Variants in ANKRD11 observed in about 807,000 individuals in gnomAD.
ANKRD11 encodes ankyrin repeat domain-containing protein 11.
A neutral mutation model predicts 195.7 loss-of-function variants in ANKRD11; 17 were observed. The observed-to-expected ratio is 0.09, with a 90% CI of 0.06 to 0.13. The LOEUF is 0.13. Among genes scored for constraint, ANKRD11 ranks in the 10% least tolerant of loss-of-function variants. The pLI is 1.00. For missense variants in ANKRD11, 3,735 were observed against 3,566.1 expected (o/e 1.05, Z -1.21); for synonymous variants, 1,953 against 1,528.1 (o/e 1.28, Z -6.49).
At chr16:89,355,322 C>T (rs1022844797) in intron 2 of ANKRD11, among the ~76,000 whole-genome samples, 2 of 152,120 alleles carry the variant, frequency 1.3e-5, no homozygotes, top group African/African-American at 4.8e-5. Context: ...CACACAGACC[C>T]ACAAGGACCA....
In ANKRD11 at chr16:89,279,869, T is replaced by C; in HGVS notation, c.6673A>G (p.Thr2225Ala). ...CCACGGGCCCTCTCTTCCGGCACCG[T>C]CTCCGCCTCCACCGCAGCTTCTAGA... ...VALEAAVEAE[T>A]VPEERARGDP... The change falls in exon 9 of 13, where the codon ACG becomes GCG. Residue 2225 changes from threonine to alanine, a missense_variant. By Grantham distance (58) the Thr-to-Ala change is moderately conservative. Transcript: ENST00000301030. This position sits in a 1 kb window ranked among gnomAD's most constrained non-coding sequence, Gnocchi z 5.6. The C allele has an allele frequency of 6.4e-7, 1 of 1,570,162 alleles. No homozygotes were observed. The highest frequency in any genetic ancestry group is 2.3e-5 in the East Asian group (1 of 42,722).
At chr16:89,487,524 C>A (rs909669019) in intron 1 of ANKRD11, among the ~76,000 whole-genome samples, 1 of 152,134 alleles carries the variant, frequency 6.6e-6, no homozygotes, top group Non-Finnish European at 1.5e-5. Context: ...GCCTGTAATC[C>A]CAGCACTTTG....
intron 4 of ANKRD11, among the ~76,000 whole-genome samples, chr16:89,292,423 G>C (rs537246544): frequency 2.0e-5 from 3 of 152,284 alleles, no homozygotes; most frequent in Admixed American, 1.3e-4. Context: ...TCACCACCAT[G>C]GTCCCCGTGA....
rs1371608341 is a variant in ANKRD11 at position 89,280,187 on chromosome 16, G to A, written c.6355C>T (p.Pro2119Ser). The A allele has an allele frequency of 6.2e-7, 1 of 1,608,906 alleles. No individual in the cohort carries two copies. The highest frequency in any genetic ancestry group is 1.7e-4 in the Middle Eastern group (1 of 5,986). The change falls in exon 9 of 13, where the codon CCC (proline) becomes TCC (serine). Residue 2119 changes from proline (P) to serine (S), a missense_variant. Coordinates refer to ENST00000301030, the MANE Select transcript of ANKRD11 (RefSeq NM_013275.6). The part of the protein sequence containing the change: ...LSHLGQVEPV[P>S]WADAFAGPED... ...GGGCCGGCGAAGGCGTCCGCCCAGG[G>A]CACCGGCTCCACCTGGCCGAGGTGA... is the stretch of plus-strand genomic sequence containing the variant.
At chr16:89,357,694 G>C (rs762840831) in intron 2 of ANKRD11, among the ~76,000 whole-genome samples, 1 of 152,196 alleles carries the variant, frequency 6.6e-6, no homozygotes, top group Non-Finnish European at 1.5e-5. Flanking sequence ...AGGAATGCCT[G>C]TCACAGCCAA....
intron 2 of ANKRD11, among the ~76,000 whole-genome samples, chr16:89,393,898 A>C (rs2041312112): frequency 6.6e-6 from 1 of 152,230 alleles, no homozygotes; most frequent in Non-Finnish European, 1.5e-5. Context: ...AAAAAACAAA[A>C]GCCAAAAAGT....
At position 89,386,912 on chromosome 16, in the gene ANKRD11, C is replaced by A. The variant is rs1265108580; in HGVS notation, c.-60+31372G>T. 1.3e-5 allele frequency among the ~76,000 whole-genome samples: 2 copies of A among 151,714 alleles called. 1 individual carries two copies. The highest frequency in any genetic ancestry group is 3.9e-4 in the East Asian group (2 of 5,160). ...GCCAGCAAGAGACCCTGCCCCAGCT[C>A]CCCACGCCTCGACCACCGAGTCAAG... On this transcript the variant is annotated intron_variant, in intron 2 of 12. Transcript: ENST00000301030.
At position 89,290,606 on chromosome 16, in the gene ANKRD11, C is replaced by A. The variant is rs1243721120; in HGVS notation, c.601+19G>T. ...CTCCAGTGGGGCTCTCTGGCCCTTG[C>A]CAGGCACAGGGTGCCCACCTGCGAA... On this transcript the variant is annotated intron_variant, in intron 6 of 12. Coordinates refer to ENST00000301030, the MANE Select transcript of ANKRD11 (RefSeq NM_013275.6). 6.2e-6 allele frequency: 10 copies of A among 1,610,238 alleles called. No individual in the cohort carries two copies. Among genetic ancestry groups the A allele is most frequent in the Non-Finnish European group, 7.6e-6 (9 of 1,179,882 alleles).
intron 1 of ANKRD11, among the ~76,000 whole-genome samples, chr16:89,440,195 G>A (rs929682298): frequency 1.3e-5 from 2 of 152,176 alleles, no homozygotes; most frequent in African/African-American, 4.8e-5. Context: ...TTCTTCCTCC[G>A]GAAGAATTCA....
chr16:89,282,724 C>T lies in ANKRD11; in HGVS notation c.3818G>A (p.Ser1273Asn), dbSNP rs2034363201. The T allele has an allele frequency of 1.2e-6, 2 of 1,613,852 alleles. No individual in the cohort carries two copies. Among genetic ancestry groups the T allele is most frequent in the Non-Finnish European group, 1.7e-6 (2 of 1,179,998 alleles). ...EHSKERKSSRSADAEKSLLEK... is the reference protein window; with the variant it reads ...EHSKERKSSRNADAEKSLLEK... ...AAGCAGGCTTTTTTCCGCGTCGGCA[C>T]TTCTCGAGGACTTCCTCTCCTTGGA... Residue 1273 changes from serine (S) to asparagine (N), a missense_variant, in exon 9 of 13, where the codon AGT (serine) becomes AAT (asparagine). By Grantham distance (46) the Ser-to-Asn change is conservative. Transcript: ENST00000301030.
intron 9 of ANKRD11, among the ~76,000 whole-genome samples, chr16:89,276,109 G>C (rs574669295): frequency 6.6e-4 from 100 of 152,342 alleles, no homozygotes; most frequent in African/African-American, 2.2e-3. Flanking sequence ...GTCAGCAACA[G>C]GAGCGCACGG....
At chr16:89,312,105 C>T (rs780227829) in intron 3 of ANKRD11, among the ~76,000 whole-genome samples, 12 of 152,156 alleles carry the variant, frequency 7.9e-5, no homozygotes, top group Non-Finnish European at 1.3e-4. Context: ...GCCATGTTGG[C>T]CAGGCTGGTC....
At chr16:89,300,363 C>T in intron 4 of ANKRD11, 1 of 200,770 alleles carries the variant, frequency 5.0e-6, no homozygotes, top group Non-Finnish European at 1.0e-5. Flanking sequence ...ACACACTGAG[C>T]TGAGGCCACT....
At chr16:89,271,065 G>A (rs925033983) in intron 11 of ANKRD11, 156 bp from the exon 12 acceptor site, 2 of 722,100 alleles carry the variant, frequency 2.8e-6, no homozygotes, top group African/African-American at 1.7e-5. Context: ...TTCAAGGCAT[G>A]GCAGGCGCAC....
chr16:89,291,444 GC>G lies in ANKRD11; in HGVS notation c.227-262del, dbSNP rs1180359100. Among the ~76,000 whole-genome samples, 2 of 151,986 alleles carry G rather than the reference GC, an allele frequency of 1.3e-5. No homozygotes were observed. The highest frequency in any genetic ancestry group is 4.8e-5 in the African/African-American group (2 of 41,378). On this transcript the variant is annotated intron_variant, in intron 4 of 12. Coordinates refer to ENST00000301030, the MANE Select transcript of ANKRD11 (RefSeq NM_013275.6). This position sits in a 1 kb window ranked among gnomAD's most constrained non-coding sequence, Gnocchi z 5.3. Reference sequence around the variant, plus strand: ...TCTGCTAAGCCTGGGCCTCCACCGAGCATCCACTCACTCCAGGCACCTCTCC... The same window carrying G: ...TCTGCTAAGCCTGGGCCTCCACCGAGATCCACTCACTCCAGGCACCTCTCC...
chr16:89,342,209 T>C (rs143223145), intron 2 of ANKRD11, among the ~76,000 whole-genome samples: 120 of 152,316 alleles, frequency 7.9e-4, no homozygotes, highest in African/African-American at 2.7e-3. Flanking sequence ...GTCTCCACCA[T>C]GAGAGAGAAA....
intron 4 of ANKRD11, among the ~76,000 whole-genome samples, chr16:89,294,768 C>A (rs2151815852): frequency 6.6e-6 from 1 of 152,306 alleles, no homozygotes; most frequent in East Asian, 1.9e-4. Flanking sequence ...TCCCGCACTG[C>A]CTGCCTGCCT....
In ANKRD11 at chr16:89,305,312, T is replaced by G. The variant is rs2036121080; in HGVS notation, c.120A>C (p.Pro40=). 6.2e-7 allele frequency: 1 copy of G among 1,613,996 alleles called. No individual in the cohort carries two copies. Reference sequence around the variant, plus strand: ...TCCCGCCATCGCCACGCTCCAGTTTTGGGGTCTTGGTTAGAGAAACTTTAT... The same window carrying G: ...TCCCGCCATCGCCACGCTCCAGTTTGGGGGTCTTGGTTAGAGAAACTTTAT... ...DKDKVSLTKT[P]KLERGDGGKE... Residue 40 remains proline (P), a synonymous_variant, in exon 4 of 13, where the codon CCA becomes CCC. Transcript: ENST00000301030.
At chr16:89,350,230 G>A (rs2039146270) in intron 2 of ANKRD11, among the ~76,000 whole-genome samples, 1 of 152,216 alleles carries the variant, frequency 6.6e-6, no homozygotes, top group African/African-American at 2.4e-5. Flanking sequence ...CAACGCTGGT[G>A]GGAACACAAA....
Sources: allele counts gnomAD v4.1 joint callset (sites outside exome capture counted in the v4.1 genomes callset), GRCh38; gene constraint gnomAD v4.1.1; non-coding constraint Gnocchi (gnomAD v3.1); transcripts MANE v1.5; gene names NCBI Gene and HGNC (gene_info 2026-07-23, HGNC 2026-07-21).